Variants in ABTB3 observed in about 807,000 individuals in gnomAD.
ABTB3 encodes the protein ankyrin repeat and BTB domain containing 3, also known as ankyrin repeat- and BTB/POZ domain-containing protein 3.
the ABTB3 span, among the ~76,000 whole-genome samples, chr12:107,580,209 A>T: frequency 6.6e-6 from 1 of 152,132 alleles, no homozygotes; most frequent in Non-Finnish European, 1.5e-5. Flanking sequence ...GGTTTTGAAA[A>T]CTGCCTGTAT....
At chr12:107,651,739 G>A in the ABTB3 span, 57 of 1,614,028 alleles carry the variant, frequency 3.5e-5, no homozygotes, top group Non-Finnish European at 4.1e-5. Context: ...TTATCTGTGC[G>A]AAAAGCATCA....
chr12:107,584,376 C>T, the ABTB3 span, among the ~76,000 whole-genome samples: 1 of 152,206 alleles, frequency 6.6e-6, no homozygotes, highest in Non-Finnish European at 1.5e-5. Flanking sequence ...GGTTATGGGA[C>T]TTATCCGAGG....
chr12:107,489,152 T>G, the ABTB3 span, among the ~76,000 whole-genome samples: 3 of 152,184 alleles, frequency 2.0e-5, no homozygotes, highest in African/African-American at 4.8e-5. Flanking sequence ...TGTGGTAAGA[T>G]TGGCACTTAA....
At chr12:107,443,653 G>C in the ABTB3 span, among the ~76,000 whole-genome samples, 1 of 152,168 alleles carries the variant, frequency 6.6e-6, no homozygotes, top group African/African-American at 2.4e-5. Flanking sequence ...TAGTGCCTTG[G>C]AAAGAACTTT....
chr12:107,419,620 A>C, the ABTB3 span, among the ~76,000 whole-genome samples: 11 of 152,142 alleles, frequency 7.2e-5, no homozygotes, highest in Non-Finnish European at 1.3e-4. Context: ...CAGCTGCTTA[A>C]CCCCTCTGTG....
At chr12:107,617,694 T>C in the ABTB3 span, 1 of 485,582 alleles carries the variant, frequency 2.1e-6, no homozygotes, top group Admixed American at 3.7e-5. Flanking sequence ...TCACTCTTGG[T>C]CGGTTTTGCT....
chr12:107,541,395 T>C, the ABTB3 span, among the ~76,000 whole-genome samples: 1 of 152,240 alleles, frequency 6.6e-6, no homozygotes, highest in East Asian at 1.9e-4. Context: ...ATCGTATTAG[T>C]CAGCATTCTC....
At chr12:107,568,364 T>A in the ABTB3 span, among the ~76,000 whole-genome samples, 3 of 152,038 alleles carry the variant, frequency 2.0e-5, no homozygotes, top group African/African-American at 7.2e-5. Context: ...TAGATCATGA[T>A]AATGGAAAGA....
At chr12:107,645,829 T>C in the ABTB3 span, among the ~76,000 whole-genome samples, 1 of 152,226 alleles carries the variant, frequency 6.6e-6, no homozygotes, top group Admixed American at 6.5e-5. Flanking sequence ...GAAGGTTTCC[T>C]GGCCACATTA....
the ABTB3 span, among the ~76,000 whole-genome samples, chr12:107,429,448 G>A: frequency 1.3e-5 from 2 of 152,176 alleles, no homozygotes; most frequent in East Asian, 3.8e-4. Context: ...TGGGATGTAG[G>A]GAAATCGAGT....
At chr12:107,469,267 CAG>C in the ABTB3 span, among the ~76,000 whole-genome samples, 1 of 152,160 alleles carries the variant, frequency 6.6e-6, no homozygotes, top group African/African-American at 2.4e-5. Flanking sequence ...AACCAGAAAA[CAG>C]AGGTGGGAGG....
the ABTB3 span, among the ~76,000 whole-genome samples, chr12:107,608,142 C>T: frequency 6.6e-6 from 1 of 152,190 alleles, no homozygotes; most frequent in Non-Finnish European, 1.5e-5. Context: ...TGGTGCATAT[C>T]TGAGGCGGAC....
chr12:107,526,684 T>C, the ABTB3 span, among the ~76,000 whole-genome samples: 1,898 of 152,282 alleles, frequency 0.012, 41 homozygotes, highest in African/African-American at 0.042. Context: ...CTGTTGTCTT[T>C]TCACACTAGA....
At chr12:107,528,678 C>T in the ABTB3 span, among the ~76,000 whole-genome samples, 3 of 152,206 alleles carry the variant, frequency 2.0e-5, no homozygotes, top group African/African-American at 4.8e-5. Flanking sequence ...GATCCCTGTG[C>T]CAACTCCATC....
chr12:107,419,992 G>A, the ABTB3 span, among the ~76,000 whole-genome samples: 3 of 152,194 alleles, frequency 2.0e-5, no homozygotes, highest in African/African-American at 7.2e-5. Flanking sequence ...TGGTGGAGGA[G>A]TCACTAGAAG....
At chr12:107,405,274 C>T in the ABTB3 span, among the ~76,000 whole-genome samples, 21,128 of 152,036 alleles carry the variant, frequency 0.14, 2,744 homozygotes, top group East Asian at 0.41. Context: ...AAACGGTGGC[C>T]GGGCCACTGT....
chr12:107,549,895 T>A, the ABTB3 span, among the ~76,000 whole-genome samples: 1 of 152,082 alleles, frequency 6.6e-6, no homozygotes. Context: ...TGCTATGGAG[T>A]TGTTACAAGA....
chr12:107,504,776 G>A, the ABTB3 span, among the ~76,000 whole-genome samples: 1 of 152,200 alleles, frequency 6.6e-6, no homozygotes, highest in Non-Finnish European at 1.5e-5. Flanking sequence ...AAATGGTTTT[G>A]AGACATCCCT....
At chr12:107,349,323 G>C in the ABTB3 span, among the ~76,000 whole-genome samples, 1 of 152,198 alleles carries the variant, frequency 6.6e-6, no homozygotes, top group Non-Finnish European at 1.5e-5. Flanking sequence ...AGGAATGTGG[G>C]GCGGCATCAT....
Sources: allele counts gnomAD v4.1 joint callset (sites outside exome capture counted in the v4.1 genomes callset), GRCh38; gene constraint gnomAD v4.1.1; transcripts MANE v1.5; gene names NCBI Gene and HGNC (gene_info 2026-07-23, HGNC 2026-07-21).